SNX8: variants seen among roughly 807,000 people sequenced by gnomAD.
The protein encoded by SNX8 is sorting nexin-8.
Under a neutral mutation model 51.6 loss-of-function variants are expected in SNX8, and 25 were observed. That is an observed-to-expected ratio of 0.48 (90% CI 0.35 to 0.68). The LOEUF (loss-of-function observed/expected upper bound fraction) is 0.68, where lower values mean the gene tolerates loss of function less well. Among genes scored for constraint, SNX8 ranks in the 30% least tolerant of loss-of-function variants. SNX8 has a pLI of 0.00. For missense variants in SNX8, 695 were observed against 624.0 expected (o/e 1.11, Z -1.21); for synonymous variants, 324 against 277.0 (o/e 1.17, Z -1.68).
chr7:2,319,708 G>C (rs1320205098), intron 1 of SNX8, among the ~76,000 whole-genome samples: 1 of 146,782 alleles, frequency 6.8e-6, no homozygotes, highest in Non-Finnish European at 1.5e-5. Flanking sequence ...CCAGCTCCTC[G>C]GGAGGCTAAG....
chr7:2,266,593 C>A lies in SNX8; in HGVS notation c.622-2135G>T, dbSNP rs1349281290. On this transcript the variant is annotated intron_variant, in intron 5 of 10. Coordinates refer to ENST00000222990, the MANE Select transcript of SNX8 (RefSeq NM_013321.4). The stretch of plus-strand genomic sequence containing the variant: ...AACTCCTGACCTCGTGATCCACCCG[C>A]CTCGGCCTCCCAAAGTGCTAGGATT... Among the ~76,000 whole-genome samples the A allele has an allele frequency of 2.0e-5, 3 of 152,200 alleles. No homozygotes were observed. The East Asian group carries it at 5.8e-4, about 29-fold the overall frequency.
chr7:2,331,462 T>G (rs761783615), intron 1 of SNX8, among the ~76,000 whole-genome samples: 4 of 151,818 alleles, frequency 2.6e-5, no homozygotes, highest in Non-Finnish European at 5.9e-5. Context: ...ATCCCAGCAC[T>G]TTAGGAGGTC....
At chr7:2,264,266 C>G (rs376343647) in intron 6 of SNX8, 32 bp downstream of exon 6, 31 of 1,591,980 alleles carry the variant, frequency 1.9e-5, no homozygotes. Context: ...TCCCACCGCG[C>G]GTGCCCCTGC....
chr7:2,334,548 A>T (rs1338606835), intron 1 of SNX8, among the ~76,000 whole-genome samples: 2 of 151,752 alleles, frequency 1.3e-5, no homozygotes, highest in African/African-American at 4.8e-5. Flanking sequence ...AAATACAGAA[A>T]AAAAATTAGC....
At chr7:2,294,052 A>T (rs1164857911) in intron 1 of SNX8, among the ~76,000 whole-genome samples, 3 of 151,870 alleles carry the variant, frequency 2.0e-5, no homozygotes, top group African/African-American at 7.3e-5. Context: ...TCACGAGGTC[A>T]GGAGTTCGAG....
At chr7:2,257,908 G>C (rs1224274506) in intron 7 of SNX8, 105 bp from the exon 8 acceptor site, 24 of 1,086,986 alleles carry the variant, frequency 2.2e-5, no homozygotes, top group Non-Finnish European at 3.2e-5. Context: ...TCCTCCCAGA[G>C]TCAGACGGGC....
chr7:2,294,387 C>T (rs1228366721), intron 1 of SNX8, among the ~76,000 whole-genome samples: 2 of 152,196 alleles, frequency 1.3e-5, no homozygotes, highest in Non-Finnish European at 2.9e-5. Flanking sequence ...CTGGCAAGGA[C>T]TTGGAGATTG....
At chr7:2,332,430 A>G (rs545884264) in intron 1 of SNX8, among the ~76,000 whole-genome samples, 1 of 152,200 alleles carries the variant, frequency 6.6e-6, no homozygotes, top group African/African-American at 2.4e-5. Context: ...AAATTGATAT[A>G]GATAAGCAAA....
chr7:2,259,220 C>T (rs1453466063), intron 7 of SNX8, among the ~76,000 whole-genome samples: 1 of 152,196 alleles, frequency 6.6e-6, no homozygotes, highest in Non-Finnish European at 1.5e-5. Flanking sequence ...ACCACAGACC[C>T]CCCAGCCACA....
intron 1 of SNX8, among the ~76,000 whole-genome samples, chr7:2,291,269 T>C (rs1489579821): frequency 1.3e-5 from 2 of 151,744 alleles, no homozygotes; most frequent in South Asian, 2.1e-4. Flanking sequence ...TACTGCAGTC[T>C]AGCCTGGGGA....
intron 1 of SNX8, among the ~76,000 whole-genome samples, chr7:2,302,447 G>C (rs897278550): frequency 1.3e-5 from 2 of 151,704 alleles, no homozygotes; most frequent in East Asian, 1.9e-4. Context: ...GATCTCGGCT[G>C]GCTACAACCT....
At chr7:2,301,099 AAGGACCT>A (rs1236768482) in intron 1 of SNX8, among the ~76,000 whole-genome samples, 1 of 152,260 alleles carries the variant, frequency 6.6e-6, no homozygotes, top group African/African-American at 2.4e-5. Context: ...AAAAGATAAA[AAGGACCT>A]AGCACAATTG....
chr7:2,290,823 C>T (rs932440625), intron 1 of SNX8, among the ~76,000 whole-genome samples: 1 of 152,206 alleles, frequency 6.6e-6, no homozygotes, highest in African/African-American at 2.4e-5. Context: ...AGAATCTTCC[C>T]TCCTCCACCA....
intron 1 of SNX8, among the ~76,000 whole-genome samples, chr7:2,341,219 AAAT>A (rs1363980944): frequency 6.6e-6 from 1 of 151,894 alleles, no homozygotes; most frequent in African/African-American, 2.4e-5. Flanking sequence ...AGAAAAAAGA[AAAT>A]AAATAAAATT....
chr7:2,294,037 G>A (rs192750809), intron 1 of SNX8, among the ~76,000 whole-genome samples: 5 of 151,654 alleles, frequency 3.3e-5, no homozygotes, highest in African/African-American at 1.2e-4. Context: ...GCCGAGGTGG[G>A]TGGATCACGA....
intron 1 of SNX8, among the ~76,000 whole-genome samples, chr7:2,331,644 G>C (rs1778737991): frequency 6.6e-6 from 1 of 151,914 alleles, no homozygotes; most frequent in Non-Finnish European, 1.5e-5. Context: ...GTCAGAGCTT[G>C]CAGTGAGCCA....
At chr7:2,314,846 A>G (rs1796728537), upstream of SNX8, among the ~76,000 whole-genome samples, 1 of 152,212 alleles carries the variant, frequency 6.6e-6, no homozygotes, top group South Asian at 2.1e-4. Flanking sequence ...TCACCCACTC[A>G]TTCGCTCACC....
At chr7:2,283,254 G>A (rs147431451) in intron 1 of SNX8, among the ~76,000 whole-genome samples, 3,004 of 152,374 alleles carry the variant, frequency 0.02, 39 homozygotes, top group South Asian at 0.043. Context: ...CTCGGCGCAG[G>A]TGGCACGGGA....
intron 1 of SNX8, among the ~76,000 whole-genome samples, chr7:2,324,127 A>G (rs1778586343): frequency 6.6e-6 from 1 of 151,788 alleles, no homozygotes; most frequent in Admixed American, 6.6e-5. Context: ...ATCTCAAAAA[A>G]AAAAGAATTT....
Sources: gnomAD v4.1 joint callset for allele counts (sites outside exome capture counted in the v4.1 genomes callset) on GRCh38, gnomAD v4.1.1 for gene constraint, MANE v1.5 for transcripts, NCBI Gene and HGNC (gene_info 2026-07-23, HGNC 2026-07-21) for gene names.